MAP3K12: variants seen among roughly 807,000 people sequenced by gnomAD.
MAP3K12 encodes MAPK-upstream kinase.
A neutral mutation model predicts 87.5 loss-of-function variants in MAP3K12; 14 were observed. That is an observed-to-expected ratio of 0.16 (90% CI 0.11 to 0.25). MAP3K12 has a LOEUF of 0.25. Ranked by LOEUF, MAP3K12 falls within the 10% of genes least tolerant of loss-of-function variation. MAP3K12 has a pLI of 1.00. For missense variants in MAP3K12, 802 were observed against 1,140.4 expected (o/e 0.70, Z 4.27); for synonymous variants, 469 against 452.5 (o/e 1.04, Z -0.46).
At chr12:53,488,344 G>T (rs550748877) in intron 1 of MAP3K12, among the ~76,000 whole-genome samples, 1 of 152,302 alleles carries the variant, frequency 6.6e-6, no homozygotes, top group South Asian at 2.1e-4. Context: ...ATGTGTCCCA[G>T]TTCATAGCTG....
rs771881049 is a variant in MAP3K12 at position 53,483,684 on chromosome 12, C to T, written c.1398G>A (p.Leu466=). The T allele has an allele frequency of 3.1e-6, 5 of 1,613,884 alleles. No homozygotes were observed. Among genetic ancestry groups the T allele is most frequent in the African/African-American group, 1.3e-5 (1 of 74,916 alleles). ...CCATATACAGGTTGTTGGCTCTCTC[C>T]AGCTTCCTTTCATAGTGCTCCCTGA... The part of the protein sequence containing the change: ...LDIREHYERK[L]ERANNLYMEL... Residue 466 remains leucine (L), a synonymous_variant, in exon 9 of 14, where the codon CTG becomes CTA. Coordinates refer to ENST00000547488, the MANE Select transcript of MAP3K12 (RefSeq NM_001193511.2).
Position 53,482,726 on chromosome 12 carries a change from C to T in MAP3K12, c.2077G>A (p.Gly693Arg), listed in dbSNP as rs756566180. 6.2e-7 allele frequency: 1 copy of T among 1,614,060 alleles called. No homozygotes were observed. The highest frequency in any genetic ancestry group is 8.5e-7 in the Non-Finnish European group (1 of 1,180,012). ...GGAGGAGGTGGTTCCCCTTTGGCTC[C>T]CCCAGGTGAATCTGGGCTGGTGGAG... ...PGSTSPDSPG[G>R]AKGEPPPPVG... The change falls in exon 11 of 14, where the codon GGA becomes AGA. Residue 693 changes from glycine to arginine, a missense_variant. Transcript: ENST00000547488.
chr12:53,481,909 C>T (rs1334326878), intron 13 of MAP3K12, 32 bp downstream of exon 13: 2 of 1,600,594 alleles, frequency 1.2e-6, no homozygotes, highest in African/African-American at 1.3e-5. Flanking sequence ...TCTCCCTGTT[C>T]AATATCTGCT....
rs552656701 is a variant in MAP3K12 at position 53,486,766 on chromosome 12, C to T, written c.446-144G>A. ...AGGCCAAGAAGAAGGTTCGAGGGGA[C>T]AGGGAAGGAATGAATGGGTGGCCTT... On this transcript the variant is annotated intron_variant, in intron 2 of 13. Coordinates refer to ENST00000547488, the MANE Select transcript of MAP3K12 (RefSeq NM_001193511.2). The surrounding 1 kb of genome is among the most constrained non-coding windows in gnomAD (Gnocchi z 4.9). 198 of 1,460,226 alleles carry T rather than the reference C, an allele frequency of 1.4e-4. 2 individuals are homozygous for T. Among genetic ancestry groups the T allele is most frequent in the Middle Eastern group, 1.0e-3 (5 of 4,936 alleles). 90.5% of individuals were successfully genotyped at this position (1,460,226 alleles called of 1,614,324 possible). A position where few individuals can be genotyped will look rare whatever the true frequency, so the allele number is the denominator to read the frequency against.
intron 13 of MAP3K12, 169 bp downstream of exon 13, chr12:53,481,772 G>GT: frequency 1.3e-6 from 1 of 755,782 alleles, no homozygotes; most frequent in Non-Finnish European, 2.1e-6. Context: ...GTCAGGCATC[G>GT]TAATAGATGC....
At position 53,489,497 on chromosome 12, in the gene MAP3K12, C is replaced by T. The variant is rs186257982; in HGVS notation, c.-37-2069G>A. Among the ~76,000 whole-genome samples, 633 of 152,326 alleles carry T rather than the reference C, an allele frequency of 4.2e-3. 2 individuals are homozygous for T. Among genetic ancestry groups the T allele is most frequent in the Non-Finnish European group, 7.6e-3 (515 of 68,034 alleles). ...GACTTGTCCAGAACTTGGCCCCAGG[C>T]GCCATGCTGGTCTCCCAACTCACTC... On this transcript the variant is annotated intron_variant, in intron 1 of 13. Coordinates refer to ENST00000547488, the MANE Select transcript of MAP3K12 (RefSeq NM_001193511.2).
chr12:53,482,826 T>A lies in MAP3K12; in HGVS notation c.1977A>T (p.Thr659=), dbSNP rs754982812. 5 of 1,611,042 alleles carry A rather than the reference T, an allele frequency of 3.1e-6. No individual in the cohort carries two copies. The Admixed American group carries it at 8.4e-5, about 27-fold the overall frequency. The part of the protein sequence containing the change: ...AALGSRGRGA[T]GGAGDPGSPP... The stretch of plus-strand genomic sequence containing the variant: ...GTGAGCCAGGATCCCCAGCTCCGCC[T>A]GTGGCCCCCCGGCCCCGGGACCCTA... The change falls in exon 11 of 14, where the codon ACA becomes ACT. Residue 659 remains threonine, a synonymous_variant. Coordinates refer to ENST00000547488, the MANE Select transcript of MAP3K12 (RefSeq NM_001193511.2).
intron 13 of MAP3K12, chr12:53,481,580 C>T (rs1250335545): frequency 3.1e-6 from 1 of 317,998 alleles, no homozygotes; most frequent in Non-Finnish European, 5.9e-6. Flanking sequence ...GAACTCCTGA[C>T]CTTGTGATCC....
chr12:53,495,208 G>A (rs1010382484), intron 1 of MAP3K12, among the ~76,000 whole-genome samples: 3 of 151,184 alleles, frequency 2.0e-5, no homozygotes, highest in East Asian at 2.0e-4. Context: ...GCGTGGTGGC[G>A]GACGCCTGTA....
At chr12:53,493,130 T>C (rs1022021166) in intron 1 of MAP3K12, 1 of 152,456 alleles carries the variant, frequency 6.6e-6, no homozygotes, top group Non-Finnish European at 1.5e-5. Context: ...CGCTGGGCGC[T>C]GCGGCGTAAC....
chr12:53,481,712 C>G (rs1350161090), intron 13 of MAP3K12: 3 of 523,432 alleles, frequency 5.7e-6, no homozygotes, highest in Non-Finnish European at 1.0e-5. Context: ...TGTCAGACTC[C>G]TTTCAGAATC....
chr12:53,486,860 G>A lies in MAP3K12; in HGVS notation c.445+87C>T, dbSNP rs908817960. ...TAGGGCTGGGCCATGGGGAGGGAAGGGACCATTGCGTGACTTTAGCGGAGC... is the reference window on the plus strand; with the variant it reads ...TAGGGCTGGGCCATGGGGAGGGAAGAGACCATTGCGTGACTTTAGCGGAGC... On this transcript the variant is annotated intron_variant, in intron 2 of 13. Coordinates refer to ENST00000547488, the MANE Select transcript of MAP3K12 (RefSeq NM_001193511.2). This position sits in a 1 kb window ranked among gnomAD's most constrained non-coding sequence, Gnocchi z 4.9. 1.9e-6 allele frequency: 3 copies of A among 1,570,394 alleles called. No individual in the cohort carries two copies. The highest frequency in any genetic ancestry group is 2.7e-5 in the African/African-American group (2 of 74,202).
chr12:53,493,214 T>A (rs1310865430), intron 1 of MAP3K12: 1 of 152,050 alleles, frequency 6.6e-6, no homozygotes, highest in East Asian at 1.9e-4. Flanking sequence ...GAGCGCGACG[T>A]GGGGGCGGGG....
chr12:53,485,803 G>A (rs1368536726), intron 4 of MAP3K12: 4 of 522,700 alleles, frequency 7.7e-6, no homozygotes, highest in Non-Finnish European at 1.4e-5. Flanking sequence ...TGATCCACCC[G>A]CCTCGGCCTC....
chr12:53,495,829 C>A (rs955458087), intron 1 of MAP3K12, among the ~76,000 whole-genome samples: 2 of 152,174 alleles, frequency 1.3e-5, no homozygotes, highest in Admixed American at 6.5e-5. Flanking sequence ...CTGGAGATCA[C>A]CCCTAAATTC....
chr12:53,485,266 T>TC (rs759297334), intron 5 of MAP3K12, 51 bp downstream of exon 5: 2 of 1,600,958 alleles, frequency 1.2e-6, no homozygotes, highest in Non-Finnish European at 1.7e-6. Context: ...TTGCCCACAA[T>TC]CCCCCCAGGG....
Position 53,482,303 on chromosome 12 carries a change from G to T in MAP3K12, c.2305C>A (p.Gln769Lys). 6.2e-7 allele frequency: 1 copy of T among 1,614,118 alleles called. No homozygotes were observed. Among genetic ancestry groups the T allele is most frequent in the Non-Finnish European group, 8.5e-7 (1 of 1,180,018 alleles). The change falls in exon 12 of 14, where the codon CAG becomes AAG. Residue 769 changes from glutamine (Q) to lysine (K), a missense_variant. Coordinates refer to ENST00000547488, the MANE Select transcript of MAP3K12 (RefSeq NM_001193511.2). ...VDSEVELTSS[Q>K]RWPQSLNMRQ... is the part of the protein sequence containing the mutation. ...TCTTGTAATGCCATCACTTACCTCT[G>T]GCTTGATGTCAGCTCTACTTCACTG...
chr12:53,484,998 G>C, intron 6 of MAP3K12, 58 bp downstream of exon 6: 1 of 1,603,438 alleles, frequency 6.2e-7, no homozygotes, highest in Non-Finnish European at 8.5e-7. Flanking sequence ...GTCCAGCCCA[G>C]TACTACCGTG....
In MAP3K12 at chr12:53,483,093, T is replaced by C; in HGVS notation, c.1710A>G (p.Pro570=). 6.5e-7 allele frequency: 1 copy of C among 1,531,052 alleles called. No individual in the cohort carries two copies. The highest frequency in any genetic ancestry group is 2.2e-5 in the Admixed American group (1 of 45,836). 94.8% of individuals were successfully genotyped at this position (1,531,052 alleles called of 1,614,324 possible). A position where few individuals can be genotyped will look rare whatever the true frequency, so the allele number is the denominator to read the frequency against. ...LPGCPKGPPS[P]GRSRRGKTRH... is the part of the protein sequence containing the mutation. ...GGGTCTTGCCACGGCGACTCCGTCCTGGTGAGGGGGGGCCCTTAGGACACC... is the reference window on the plus strand; with the variant it reads ...GGGTCTTGCCACGGCGACTCCGTCCCGGTGAGGGGGGGCCCTTAGGACACC... Residue 570 remains proline, a synonymous_variant, in exon 11 of 14, where the codon CCA becomes CCG. Coordinates refer to ENST00000547488, the MANE Select transcript of MAP3K12 (RefSeq NM_001193511.2).
Sources: gnomAD v4.1 joint callset for allele counts (sites outside exome capture counted in the v4.1 genomes callset) on GRCh38, gnomAD v4.1.1 for gene constraint, Gnocchi (gnomAD v3.1) non-coding constraint, MANE v1.5 for transcripts, NCBI Gene and HGNC (gene_info 2026-07-23, HGNC 2026-07-21) for gene names.